VWA8: variants seen among roughly 807,000 people sequenced by gnomAD.
The protein encoded by VWA8 is von Willebrand factor A domain containing 8, also known as von Willebrand factor A domain-containing protein 8.
A neutral mutation model predicts 241.5 loss-of-function variants in VWA8; 221 were observed. That is an observed-to-expected ratio of 0.91 (90% CI 0.82 to 1.02). The LOEUF is 1.02. Ranked by LOEUF, VWA8 falls within the 50% of genes least tolerant of loss-of-function variation. VWA8 has a pLI of 0.00. For missense variants in VWA8, 2,322 were observed against 2,328.7 expected (o/e 1.00, Z 0.06); for synonymous variants, 852 against 827.1 (o/e 1.03, Z -0.52).
intron 36 of VWA8, among the ~76,000 whole-genome samples, chr13:41,673,757 A>G (rs1341637725): frequency 6.6e-6 from 1 of 152,192 alleles, no homozygotes; most frequent in Non-Finnish European, 1.5e-5. Context: ...GGCTTTCATT[A>G]TATTTCCATT....
Position 41,885,036 on chromosome 13 carries a change from A to AC in VWA8, c.975+883_975+884insG, listed in dbSNP as rs1874455980. Reference sequence around the variant, plus strand: ...TGAGTGTTACAAAAGCTTCCTAGTCATTCCCTCACTTCCAACAAAGGTGTC... The same window carrying AC: ...TGAGTGTTACAAAAGCTTCCTAGTCACTTCCCTCACTTCCAACAAAGGTGTC... On this transcript the variant is annotated intron_variant, in intron 8 of 44. Transcript: ENST00000379310. Among the ~76,000 whole-genome samples the AC allele has an allele frequency of 4.6e-5, 7 of 152,242 alleles. No individual in the cohort carries two copies. In the South Asian group the frequency reaches 1.5e-3, roughly 32 times the overall value.
chr13:41,801,778 A>G (rs971508465), intron 17 of VWA8, among the ~76,000 whole-genome samples: 2 of 152,256 alleles, frequency 1.3e-5, no homozygotes, highest in African/African-American at 2.4e-5. Context: ...TTTAGAGGCA[A>G]TAAGTGTAAT....
At chr13:41,726,960 A>C (rs986886532) in intron 24 of VWA8, among the ~76,000 whole-genome samples, 1 of 152,112 alleles carries the variant, frequency 6.6e-6, no homozygotes, top group African/African-American at 2.4e-5. Flanking sequence ...ATGCCACTGC[A>C]CTCCAGTCTG....
At chr13:41,871,901 A>C (rs1159215513) in intron 9 of VWA8, among the ~76,000 whole-genome samples, 1 of 152,178 alleles carries the variant, frequency 6.6e-6, no homozygotes, top group East Asian at 1.9e-4. Context: ...ACAATGGTTG[A>C]ACTAGTTTAC....
At chr13:41,825,174 G>C (rs916157603) in intron 14 of VWA8, among the ~76,000 whole-genome samples, 5 of 152,120 alleles carry the variant, frequency 3.3e-5, no homozygotes, top group Admixed American at 3.3e-4. Flanking sequence ...ACCACAGATG[G>C]CAACAAGTGT....
At chr13:41,571,334 C>CTCTCCCTCTCCCG (rs1240010494) in intron 43 of VWA8, among the ~76,000 whole-genome samples, 11 of 138,916 alleles carry the variant, frequency 7.9e-5, no homozygotes, top group Non-Finnish European at 1.5e-4. Flanking sequence ...TCCCGTCTCC[C>CTCTCCCTCTCCCG]TCTCCCTCTC....
chr13:41,772,446 A>AC (rs1421999062), intron 20 of VWA8, among the ~76,000 whole-genome samples: 1 of 104,416 alleles, frequency 9.6e-6, no homozygotes, highest in Non-Finnish European at 2.2e-5. Context: ...TGACAAAAAA[A>AC]CAAAACAAAA....
chr13:41,568,328 G>A, intron 44 of VWA8, 23 bp from the exon 45 acceptor site: 1 of 1,605,260 alleles, frequency 6.2e-7, no homozygotes, highest in Non-Finnish European at 8.5e-7. Flanking sequence ...AAAGGGAAAG[G>A]AAGTTACCAC....
chr13:41,926,618 T>G, intron 2 of VWA8: 4 of 546,048 alleles, frequency 7.3e-6, no homozygotes, highest in Non-Finnish European at 7.5e-6. Context: ...CTATGCAGAC[T>G]ACCACAATCT....
intron 2 of VWA8, among the ~76,000 whole-genome samples, chr13:41,924,769 T>C (rs1057455320): frequency 2.0e-5 from 3 of 152,136 alleles, no homozygotes; most frequent in East Asian, 1.9e-4. Flanking sequence ...CTTTTTTTTT[T>C]TTTTAATTAT....
chr13:41,903,341 T>A (rs1461512007), intron 4 of VWA8, among the ~76,000 whole-genome samples: 2 of 152,160 alleles, frequency 1.3e-5, no homozygotes, highest in East Asian at 3.8e-4. Flanking sequence ...CATCAATATA[T>A]GTGTCACTTA....
At chr13:41,667,511 A>G (rs1223669036) in intron 37 of VWA8, among the ~76,000 whole-genome samples, 1 of 152,242 alleles carries the variant, frequency 6.6e-6, no homozygotes, top group Non-Finnish European at 1.5e-5. Flanking sequence ...TTCCTTAAGT[A>G]CTATTCAAAG....
At chr13:41,947,609 G>C (rs79810136) in intron 2 of VWA8, among the ~76,000 whole-genome samples, 1,891 of 152,288 alleles carry the variant, frequency 0.012, 12 homozygotes, top group East Asian at 0.021. Flanking sequence ...CACATTGCTA[G>C]TTAGAATGTA....
At chr13:41,889,781 T>C (rs1349946488) in intron 5 of VWA8, among the ~76,000 whole-genome samples, 1 of 152,168 alleles carries the variant, frequency 6.6e-6, no homozygotes, top group African/African-American at 2.4e-5. Flanking sequence ...AAACTTTTTG[T>C]TGTGAAGTAA....
chr13:41,702,961 T>A (rs1183956069), intron 27 of VWA8, among the ~76,000 whole-genome samples: 1 of 152,174 alleles, frequency 6.6e-6, no homozygotes, highest in Non-Finnish European at 1.5e-5. Flanking sequence ...TACTTTACTT[T>A]CACATGAAGA....
chr13:41,680,566 G>C (rs1486144650), intron 35 of VWA8, among the ~76,000 whole-genome samples: 2 of 152,188 alleles, frequency 1.3e-5, no homozygotes, highest in Non-Finnish European at 2.9e-5. Flanking sequence ...TGGCTAAATA[G>C]GCAGTTCTTG....
rs531787206 is a variant in VWA8 at position 41,731,969 on chromosome 13, G to C, written c.2502+111C>G. ...CGTCTCAGGTATGTCTTTATAAGCA[G>C]CATGAAAACAGACTAATACGTAATC... is the stretch of plus-strand genomic sequence containing the variant. On this transcript the variant is annotated intron_variant, in intron 22 of 44. Coordinates refer to ENST00000379310, the MANE Select transcript of VWA8 (RefSeq NM_015058.2). 4 of 860,488 alleles carry C rather than the reference G, an allele frequency of 4.6e-6. No individual in the cohort carries two copies. In the African/African-American group the frequency reaches 5.1e-5, roughly 11 times the overall value. The allele number at this position is 860,488 out of a possible 1,614,324, so 53.3% of individuals were successfully genotyped here. A position where few individuals can be genotyped will look rare whatever the true frequency, so the allele number is the denominator to read the frequency against.
chr13:41,778,199 T>C, intron 19 of VWA8, 143 bp from the exon 20 acceptor site: 1 of 486,628 alleles, frequency 2.1e-6, no homozygotes, highest in Non-Finnish European at 3.2e-6. Flanking sequence ...CAAAATTAAA[T>C]CTGTGGTTAT....
intron 40 of VWA8, among the ~76,000 whole-genome samples, chr13:41,595,206 T>C (rs1209520531): frequency 6.6e-6 from 1 of 152,194 alleles, no homozygotes; most frequent in African/African-American, 2.4e-5. Context: ...AGGTCTTAAT[T>C]TTCTTGTGCT....
Sources: allele counts gnomAD v4.1 joint callset (sites outside exome capture counted in the v4.1 genomes callset), GRCh38; gene constraint gnomAD v4.1.1; transcripts MANE v1.5; gene names NCBI Gene and HGNC (gene_info 2026-07-23, HGNC 2026-07-21).